Variants in RNF32 observed in about 807,000 individuals in gnomAD.
RNF32 encodes the protein ring finger protein 32.
Under a neutral mutation model 41.0 loss-of-function variants are expected in RNF32, and 36 were observed. That is an observed-to-expected ratio of 0.88 (90% CI 0.67 to 1.16). The LOEUF (loss-of-function observed/expected upper bound fraction) is 1.16, where lower values mean the gene tolerates loss of function less well. Among genes scored for constraint, RNF32 ranks in the 50% most tolerant of loss-of-function variants. RNF32 has a pLI of 0.00. For synonymous variants in RNF32, 154 were observed against 160.9 expected (o/e 0.96, Z 0.32); for missense variants, 413 against 436.7 (o/e 0.95, Z 0.48).
At chr7:156,667,341 T>A (rs188411370) in intron 7 of RNF32, among the ~76,000 whole-genome samples, 23 of 152,278 alleles carry the variant, frequency 1.5e-4, no homozygotes, top group East Asian at 5.8e-4. Context: ...GTTAGTATAT[T>A]TTTTTTAAAT....
intron 4 of RNF32, chr7:156,654,938 C>T: frequency 2.3e-6 from 1 of 430,910 alleles, no homozygotes; most frequent in Non-Finnish European, 4.2e-6. Context: ...TTCTCAAGTA[C>T]TAAAGTTTGT....
rs925184974 is a variant in RNF32, at chr7:156,676,988, C to A, written c.*333C>A. 1 of 234,680 alleles carries A rather than the reference C, an allele frequency of 4.3e-6. No individual in the cohort carries two copies. Among genetic ancestry groups the A allele is most frequent in the Non-Finnish European group, 8.5e-6 (1 of 118,142 alleles). The allele number at this position is 234,680 out of a possible 1,614,324, so 14.5% of individuals were successfully genotyped here. On this transcript the variant is annotated 3_prime_UTR_variant, in exon 9 of 9. Coordinates refer to ENST00000317955, the MANE Select transcript of RNF32 (RefSeq NM_030936.4). ...CTTAAAGTAAGTTCCAAATGTAAAA[C>A]ACTCCTTAAGTTCCAAATGTTTTCC...
chr7:156,671,233 TTGTC>T (rs956422893), intron 7 of RNF32, among the ~76,000 whole-genome samples: 7 of 152,170 alleles, frequency 4.6e-5, no homozygotes, highest in Non-Finnish European at 7.4e-5. Context: ...GGTGCACCGT[TTGTC>T]TGTCAGTAAC....
intron 3 of RNF32, among the ~76,000 whole-genome samples, chr7:156,647,540 C>T (rs140621315): frequency 2.5e-4 from 38 of 152,266 alleles, no homozygotes; most frequent in African/African-American, 8.7e-4. Flanking sequence ...GAGTAGTATT[C>T]CATGGTGTAT....
In RNF32 at chr7:156,664,381, C is replaced by T. The variant is rs189861763; in HGVS notation, c.684+5811C>T. On this transcript the variant is annotated intron_variant, in intron 7 of 8. Transcript: ENST00000317955. ...GAGGCTGAGGCAGGAGAATAGCTTG[C>T]ACCCGGGAGGCAGAGGTTGCAGTGA... Among the ~76,000 whole-genome samples, 245 of 152,170 alleles carry T rather than the reference C, an allele frequency of 1.6e-3. 1 individual carries two copies. The highest frequency in any genetic ancestry group is 2.7e-3 in the South Asian group (13 of 4,818).
chr7:156,640,623 C>T, upstream of RNF32: 1 of 393,280 alleles, frequency 2.5e-6, no homozygotes, highest in South Asian at 1.8e-5. Context: ...GGCAAGCATG[C>T]GCAATGTGGG....
At chr7:156,641,287 G>C (rs758506282) in intron 1 of RNF32, among the ~76,000 whole-genome samples, 1 of 152,116 alleles carries the variant, frequency 6.6e-6, no homozygotes. Context: ...GCTTGGTCTC[G>C]TGTATTTTTA....
intron 7 of RNF32, among the ~76,000 whole-genome samples, chr7:156,664,962 G>T (rs996787068): frequency 6.6e-6 from 1 of 151,982 alleles, no homozygotes; most frequent in South Asian, 2.1e-4. Flanking sequence ...AAATTTTAAC[G>T]TAAGATTATA....
intron 5 of RNF32, among the ~76,000 whole-genome samples, 171 bp from the exon 6 acceptor site, chr7:156,657,957 T>A (rs547278033): frequency 6.6e-6 from 1 of 152,220 alleles, no homozygotes. Flanking sequence ...ACAGGTTTTG[T>A]GAGGAAGGTG....
At chr7:156,654,534 T>TA (rs1174886680) in intron 3 of RNF32, 42 bp from the exon 4 acceptor site, 6 of 1,584,360 alleles carry the variant, frequency 3.8e-6, no homozygotes, top group Non-Finnish European at 3.5e-6. Flanking sequence ...TGCCATATGC[T>TA]AAAAGACACT....
In RNF32 at chr7:156,676,461, C is replaced by A. The variant is rs763475503; in HGVS notation, c.895C>A (p.Pro299Thr). Residue 299 changes from proline (P) to threonine (T), a missense_variant, in exon 9 of 9, where the codon CCT becomes ACT. Coordinates refer to ENST00000317955, the MANE Select transcript of RNF32 (RefSeq NM_030936.4). ...ETHECSICLAPLSAAGGQRVG... is the reference protein window; with the variant it reads ...ETHECSICLATLSAAGGQRVG... ...CCACGAGTGCTCCATCTGCCTGGCC[C>A]CTCTCTCCGCTGCTGGCGGTCAGCG... is the stretch of plus-strand genomic sequence containing the variant. 2 of 1,614,078 alleles carry A rather than the reference C, an allele frequency of 1.2e-6. No individual in the cohort carries two copies. The highest frequency in any genetic ancestry group is 3.3e-5 in the Admixed American group (2 of 60,022).
intron 3 of RNF32, among the ~76,000 whole-genome samples, chr7:156,647,153 GT>G (rs199715726): frequency 6.6e-6 from 1 of 151,050 alleles, no homozygotes; most frequent in Non-Finnish European, 1.5e-5. Context: ...TGCCTGGCCT[GT>G]TTTTTTTTAA....
Position 156,669,794 on chromosome 7 carries a change from C to T in RNF32, c.685-5902C>T, listed in dbSNP as rs1196830309. Among the ~76,000 whole-genome samples, 1 of 152,130 alleles carries T rather than the reference C, an allele frequency of 6.6e-6. No individual in the cohort carries two copies. Among genetic ancestry groups the T allele is most frequent in the Non-Finnish European group, 1.5e-5 (1 of 68,018 alleles). On this transcript the variant is annotated intron_variant, in intron 7 of 8. Transcript: ENST00000317955. This position sits in a 1 kb window ranked among gnomAD's most constrained non-coding sequence, Gnocchi z 4.2. ...GCGCTTCCTGGGAGCCTCTGCAGGG[C>T]GTGCCCATGGAGGGGAGGCTCAAAA... is the stretch of plus-strand genomic sequence containing the variant.
chr7:156,640,598 G>A (rs1425095669), upstream of RNF32: 2 of 410,180 alleles, frequency 4.9e-6, no homozygotes, highest in Admixed American at 5.6e-5. Context: ...AGTGTGGTGT[G>A]GACAGGGCGT....
intron 7 of RNF32, among the ~76,000 whole-genome samples, chr7:156,661,351 G>A (rs755559192): frequency 4.0e-4 from 60 of 148,480 alleles, no homozygotes; most frequent in Non-Finnish European, 6.8e-4. Context: ...ACGGAGTCTC[G>A]CTCAGCTGCC....
At chr7:156,647,591 A>G (rs1185400295) in intron 3 of RNF32, among the ~76,000 whole-genome samples, 2 of 152,118 alleles carry the variant, frequency 1.3e-5, no homozygotes, top group African/African-American at 2.4e-5. Flanking sequence ...GTTCATGGGC[A>G]CTTAGGTTGG....
At position 156,670,922 on chromosome 7, in the gene RNF32, T is replaced by A. The variant is rs775125673; in HGVS notation, c.685-4774T>A. Among the ~76,000 whole-genome samples the A allele has an allele frequency of 6.6e-6, 1 of 152,122 alleles. No homozygotes were observed. Among genetic ancestry groups the A allele is most frequent in the African/African-American group, 2.4e-5 (1 of 41,418 alleles). On this transcript the variant is annotated intron_variant, in intron 7 of 8. Transcript: ENST00000317955. This position sits in a 1 kb window ranked among gnomAD's most constrained non-coding sequence, Gnocchi z 4.3. ...AAAATGTGAGTAAATCTAATAGACATTGATTCCACCGAACAAGAAAACTCA... is the reference window on the plus strand; with the variant it reads ...AAAATGTGAGTAAATCTAATAGACAATGATTCCACCGAACAAGAAAACTCA...
In RNF32 at chr7:156,646,325, A is replaced by C. The variant is rs1003387780; in HGVS notation, c.274+1568A>C. On this transcript the variant is annotated intron_variant, in intron 3 of 8. Coordinates refer to ENST00000317955, the MANE Select transcript of RNF32 (RefSeq NM_030936.4). ...TGGCAGGGTTCTACAGAAGAATCCT[A>C]ACTTACCTTTCCCTGGTGGTTCCTG... The C allele has an allele frequency of 6.2e-5, 59 of 954,730 alleles. No homozygotes were observed. The African/African-American group carries it at 9.8e-4, about 16-fold the overall frequency. 59.1% of individuals were successfully genotyped at this position (954,730 alleles called of 1,614,324 possible). A position where few individuals can be genotyped will look rare whatever the true frequency, so the allele number is the denominator to read the frequency against.
At chr7:156,653,494 A>G (rs902296331) in intron 3 of RNF32, among the ~76,000 whole-genome samples, 19 of 152,162 alleles carry the variant, frequency 1.2e-4, no homozygotes, top group African/African-American at 4.6e-4. Flanking sequence ...TTCTACTCTA[A>G]AAGCCCAAGA....
Sources: allele counts gnomAD v4.1 joint callset (sites outside exome capture counted in the v4.1 genomes callset), GRCh38; gene constraint gnomAD v4.1.1; non-coding constraint Gnocchi (gnomAD v3.1); transcripts MANE v1.5; gene names NCBI Gene and HGNC (gene_info 2026-07-23, HGNC 2026-07-21).